Variants in XRCC5 observed in about 807,000 individuals in gnomAD.
XRCC5 encodes DNA repair protein Ku80.
Under a neutral mutation model 95.7 loss-of-function variants are expected in XRCC5, and 12 were observed. The ratio of observed to expected loss-of-function variants is 0.13; its 90% CI spans 0.08 to 0.20. The LOEUF is 0.20. Ranked by LOEUF, XRCC5 falls within the 10% of genes least tolerant of loss-of-function variation. The pLI is 1.00. For missense variants in XRCC5, 595 were observed against 873.9 expected (o/e 0.68, Z 4.02); for synonymous variants, 281 against 290.3 (o/e 0.97, Z 0.33).
At chr2:216,204,273 A>G in intron 19 of XRCC5, 49 bp from the exon 20 acceptor site, 7 of 1,610,328 alleles carry the variant, frequency 4.3e-6, no homozygotes, top group Non-Finnish European at 5.9e-6. Flanking sequence ...CCCTCTTTCA[A>G]AGGGGCAAAA....
intron 3 of XRCC5, chr2:216,117,404 A>C (rs1696717820): frequency 3.7e-6 from 1 of 271,846 alleles, no homozygotes; most frequent in Admixed American, 4.6e-5. Context: ...GTGACTTGCA[A>C]ATGCTACATT....
chr2:216,151,459 T>TA (rs1688744181), intron 14 of XRCC5, among the ~76,000 whole-genome samples: 1 of 152,218 alleles, frequency 6.6e-6, no homozygotes. Context: ...CCTTCTCACT[T>TA]ACTCTCAGCA....
chr2:216,113,253 A>C, intron 2 of XRCC5, 124 bp downstream of exon 2: 1 of 748,402 alleles, frequency 1.3e-6, no homozygotes, highest in South Asian at 1.9e-5. Flanking sequence ...GATTCTGGGG[A>C]GTTTCCTTAC....
chr2:216,130,689 G>T, intron 8 of XRCC5, 186 bp from the exon 9 acceptor site: 1 of 515,110 alleles, frequency 1.9e-6, no homozygotes, highest in South Asian at 3.3e-5. Flanking sequence ...TTGTATGTGT[G>T]GTTTGTGTAT....
Position 216,187,861 on chromosome 2 carries a change from T to TCTCTCTCTCTCTCTCCCCCC in XRCC5, c.1835-2363_1835-2362insTCTCTCTCTCTCTCCCCCCC, listed in dbSNP as rs143232624. Among the ~76,000 whole-genome samples the TCTCTCTCTCTCTCTCCCCCC allele has an allele frequency of 1.7e-4, 20 of 116,266 alleles. 2 individuals carry two copies. Among genetic ancestry groups the TCTCTCTCTCTCTCTCCCCCC allele is most frequent in the African/African-American group, 8.4e-4 (20 of 23,900 alleles). The allele number at this position is 116,266 out of a possible 152,430, so 76.3% of individuals were successfully genotyped here. On this transcript the variant is annotated intron_variant, in intron 16 of 20. Coordinates refer to ENST00000392132, the MANE Select transcript of XRCC5 (RefSeq NM_021141.4). ...CTCTCTCTCTCTCTCTCTCTCTCTCTCCCCGTCTCCCTGTCTCTCCCTCTC... is the reference window on the plus strand; with the variant it reads ...CTCTCTCTCTCTCTCTCTCTCTCTCTCTCTCTCTCTCTCTCCCCCCCCCCGTCTCCCTGTCTCTCCCTCTC...
chr2:216,152,755 T>G (rs1425857817), intron 14 of XRCC5, among the ~76,000 whole-genome samples: 1 of 151,698 alleles, frequency 6.6e-6, no homozygotes, highest in East Asian at 1.9e-4. Context: ...CCTCCTGGGC[T>G]CAAGTGATCT....
At chr2:216,161,047 T>C (rs1273016887) in intron 15 of XRCC5, among the ~76,000 whole-genome samples, 1 of 152,182 alleles carries the variant, frequency 6.6e-6, no homozygotes, top group Non-Finnish European at 1.5e-5. Context: ...TCTTAAAAAT[T>C]GGCCGATAAC....
At position 216,197,449 on chromosome 2, in the gene XRCC5, A is replaced by G. The variant is rs780978126; in HGVS notation, c.2109+2463A>G. 1.2e-3 allele frequency among the ~76,000 whole-genome samples: 35 copies of G among 28,540 alleles called. No homozygotes were observed. The East Asian group carries it at 0.015, about 12-fold the overall frequency. The allele number at this position is 28,540 out of a possible 152,430, so 18.7% of individuals were successfully genotyped here. A position where few individuals can be genotyped will look rare whatever the true frequency, so the allele number is the denominator to read the frequency against. On this transcript the variant is annotated intron_variant, in intron 19 of 20. Coordinates refer to ENST00000392132, the MANE Select transcript of XRCC5 (RefSeq NM_021141.4). Reference sequence around the variant, plus strand: ...AACGAAAGCGAAACTCTGTCCCAGGAAAAAAAAAAAAAAAAAAAAGACAAC... The same window carrying G: ...AACGAAAGCGAAACTCTGTCCCAGGGAAAAAAAAAAAAAAAAAAAGACAAC...
chr2:216,114,874 T>TA (rs1464547190), intron 2 of XRCC5, among the ~76,000 whole-genome samples: 1 of 152,208 alleles, frequency 6.6e-6, no homozygotes, highest in East Asian at 1.9e-4. Flanking sequence ...GCATGACTAG[T>TA]AACCACACTA....
At chr2:216,130,333 A>C (rs987555147) in intron 8 of XRCC5, among the ~76,000 whole-genome samples, 4 of 151,948 alleles carry the variant, frequency 2.6e-5, no homozygotes, top group Non-Finnish European at 5.9e-5. Flanking sequence ...GAAATAAAAG[A>C]AATTTAAATA....
At chr2:216,134,119 TAA>T (rs1697034112) in intron 10 of XRCC5, among the ~76,000 whole-genome samples, 2 of 152,254 alleles carry the variant, frequency 1.3e-5, no homozygotes, top group Non-Finnish European at 2.9e-5. Context: ...AAGTTTACAA[TAA>T]AAGTCTTTAT....
In XRCC5 at chr2:216,131,003, A is replaced by T. The variant is rs761234554; in HGVS notation, c.1050+16A>T. 3.2e-6 allele frequency: 5 copies of T among 1,585,332 alleles called. No individual in the cohort carries two copies. Among genetic ancestry groups the T allele is most frequent in the Non-Finnish European group, 4.3e-6 (5 of 1,158,152 alleles). On this transcript the variant is annotated intron_variant, in intron 9 of 20. Coordinates refer to ENST00000392132, the MANE Select transcript of XRCC5 (RefSeq NM_021141.4). ...ATCTTCTCAGGTATGATTGTGAACA[A>T]ACTAAATGAGCTTTTTCCTAGCTGT...
At chr2:216,131,365 G>A (rs778239016) in intron 9 of XRCC5, among the ~76,000 whole-genome samples, 2 of 152,154 alleles carry the variant, frequency 1.3e-5, no homozygotes, top group Admixed American at 1.3e-4. Context: ...GCATAAAAAT[G>A]CATGAGAAAC....
At chr2:216,197,448 G>GAAAAAAA (rs369842827) in intron 19 of XRCC5, among the ~76,000 whole-genome samples, 1 of 110,346 alleles carries the variant, frequency 9.1e-6, no homozygotes, top group Non-Finnish European at 1.9e-5. Flanking sequence ...TCTGTCCCAG[G>GAAAAAAA]AAAAAAAAAA....
chr2:216,203,158 A>C (rs41296811), intron 19 of XRCC5, among the ~76,000 whole-genome samples: 1,662 of 152,272 alleles, frequency 0.011, 24 homozygotes, highest in African/African-American at 0.038. Context: ...ACAGGAGAGC[A>C]TAAGTGGGCT....
intron 1 of XRCC5, chr2:216,111,476 A>G (rs956561754): frequency 4.7e-6 from 2 of 421,742 alleles, no homozygotes; most frequent in African/African-American, 2.1e-5. Flanking sequence ...GTGAGCCATG[A>G]TCATGCCACT....
chr2:216,167,861 T>C (rs1030873666), intron 16 of XRCC5, among the ~76,000 whole-genome samples: 3 of 152,210 alleles, frequency 2.0e-5, no homozygotes, highest in African/African-American at 7.2e-5. Flanking sequence ...ACATACTTTT[T>C]TAGTCCTTTC....
intron 16 of XRCC5, among the ~76,000 whole-genome samples, chr2:216,172,777 A>G (rs1689193591): frequency 6.6e-6 from 1 of 152,072 alleles, no homozygotes; most frequent in Admixed American, 6.6e-5. Flanking sequence ...CAGCTTTTCA[A>G]TTTATATGAA....
At chr2:216,160,687 A>AT (rs1688936248) in intron 15 of XRCC5, among the ~76,000 whole-genome samples, 5 of 151,810 alleles carry the variant, frequency 3.3e-5, no homozygotes, top group African/African-American at 9.7e-5. Flanking sequence ...TAATTAATTA[A>AT]TTAATTTTTA....
Sources: allele counts gnomAD v4.1 joint callset (sites outside exome capture counted in the v4.1 genomes callset), GRCh38; gene constraint gnomAD v4.1.1; transcripts MANE v1.5; gene names NCBI Gene and HGNC (gene_info 2026-07-23, HGNC 2026-07-21).